The following LDLRAD3 variants were observed in gnomAD, a reference collection of about 807,000 sequenced individuals.
LDLRAD3 encodes the protein low density lipoprotein receptor class A domain containing 3.
LDLRAD3 carries 20 observed loss-of-function variants against 29.4 expected under a neutral mutation model. That is an observed-to-expected ratio of 0.68 (90% CI 0.48 to 0.99). LDLRAD3 has a LOEUF of 0.99. LDLRAD3 is among the 50% of genes least tolerant of loss of function. The pLI is 0.00. For missense variants in LDLRAD3, 420 were observed against 454.3 expected, an observed-to-expected ratio of 0.92 and a Z score of 0.69; for synonymous variants, 157 against 192.7, an observed-to-expected ratio of 0.81 and a Z score of 1.53.
chr11:36,129,551 T>A (rs1181960296), intron 4 of LDLRAD3, among the ~76,000 whole-genome samples: 1 of 152,158 alleles, frequency 6.6e-6, no homozygotes, highest in Admixed American at 6.5e-5. Flanking sequence ...CACTCAGATT[T>A]TATAAATCGT....
At chr11:36,005,236 C>T (rs1851869985) in intron 1 of LDLRAD3, among the ~76,000 whole-genome samples, 1 of 152,208 alleles carries the variant, frequency 6.6e-6, no homozygotes, top group Non-Finnish European at 1.5e-5. Flanking sequence ...TTCAGATAAT[C>T]TCTTTGTTCA....
intron 3 of LDLRAD3, among the ~76,000 whole-genome samples, chr11:36,089,463 C>T (rs1459733200): frequency 6.7e-6 from 1 of 150,142 alleles, no homozygotes; most frequent in Admixed American, 6.6e-5. Flanking sequence ...GAGTCTCGCT[C>T]TGTCTCCAGG....
chr11:36,060,321 T>C (rs1590233133), intron 2 of LDLRAD3, among the ~76,000 whole-genome samples: 1 of 135,682 alleles, frequency 7.4e-6, no homozygotes, highest in South Asian at 2.3e-4. Context: ...GCCACTGCAC[T>C]CCAGCCTGGG....
intron 4 of LDLRAD3, among the ~76,000 whole-genome samples, chr11:36,184,721 C>A (rs553038732): frequency 6.6e-6 from 1 of 152,140 alleles, no homozygotes. Context: ...TAAATCCTTC[C>A]ACATCTCCCT....
At chr11:36,016,803 C>T (rs543070633) in intron 1 of LDLRAD3, among the ~76,000 whole-genome samples, 1 of 152,300 alleles carries the variant, frequency 6.6e-6, no homozygotes, top group Admixed American at 6.5e-5. Context: ...TGTTTTCCAA[C>T]TTGCTCTTTC....
rs1224201151 is a variant in LDLRAD3 at position 36,227,308 on chromosome 11, C to T, written c.678C>T (p.Pro226=). 4 of 1,614,036 alleles carry T rather than the reference C, an allele frequency of 2.5e-6. No individual in the cohort carries two copies. In the African/African-American group the frequency reaches 4.0e-5, roughly 16 times the overall value. ...LLSRLVVLDH[P]HHCNVTYNVN... is the part of the protein sequence containing the mutation. ...CCCGCCTGGTGGTCCTGGACCACCC[C>T]CACCACTGCAACGTCACCTACAACG... Residue 226 remains proline, a synonymous_variant, in exon 5 of 6, where the codon CCC becomes CCT. Transcript: ENST00000315571.
intron 4 of LDLRAD3, chr11:36,197,783 C>T (rs1346401241): frequency 1.3e-5 from 2 of 152,032 alleles, no homozygotes; most frequent in Admixed American, 6.6e-5. Context: ...TATAGTGGCT[C>T]ATGCTTGTAA....
intron 2 of LDLRAD3, among the ~76,000 whole-genome samples, chr11:36,079,160 G>A (rs1853069897): frequency 6.6e-6 from 1 of 152,160 alleles, no homozygotes; most frequent in Admixed American, 6.5e-5. Flanking sequence ...TGATGGCAGC[G>A]GCCACTCTGA....
chr11:36,164,636 G>A (rs1854490020), intron 4 of LDLRAD3, among the ~76,000 whole-genome samples: 1 of 152,236 alleles, frequency 6.6e-6, no homozygotes, highest in Non-Finnish European at 1.5e-5. Flanking sequence ...CTTCCAGTGA[G>A]TGAGCTTTAG....
At chr11:36,041,922 T>C (rs1852387831) in intron 2 of LDLRAD3, among the ~76,000 whole-genome samples, 1 of 152,114 alleles carries the variant, frequency 6.6e-6, no homozygotes, top group South Asian at 2.1e-4. Flanking sequence ...CTTTGTTAAA[T>C]GATAAAATAT....
intron 1 of LDLRAD3, chr11:35,967,787 T>A: frequency 2.2e-6 from 1 of 460,572 alleles, no homozygotes; most frequent in Non-Finnish European, 4.4e-6. Flanking sequence ...ATTAGTAGAC[T>A]TAGTGTTTTC....
chr11:36,102,553 C>G (rs1486607442), intron 4 of LDLRAD3, among the ~76,000 whole-genome samples: 4 of 152,142 alleles, frequency 2.6e-5, no homozygotes, highest in Non-Finnish European at 5.9e-5. Context: ...GCCTTGAAAA[C>G]TAACATACAG....
intron 4 of LDLRAD3, among the ~76,000 whole-genome samples, chr11:36,149,557 G>A (rs993031932): frequency 1.3e-5 from 2 of 152,212 alleles, no homozygotes; most frequent in Non-Finnish European, 1.5e-5. Context: ...GAGAGATGAG[G>A]ATGAGAGGGA....
intron 1 of LDLRAD3, among the ~76,000 whole-genome samples, chr11:35,988,513 A>G (rs1216567361): frequency 6.6e-6 from 1 of 152,136 alleles, no homozygotes; most frequent in African/African-American, 2.4e-5. Flanking sequence ...CTCATTCTAT[A>G]GGTTGTTTAC....
At chr11:35,970,093 G>T (rs942103333) in intron 1 of LDLRAD3, among the ~76,000 whole-genome samples, 2 of 152,138 alleles carry the variant, frequency 1.3e-5, no homozygotes, top group East Asian at 3.9e-4. Flanking sequence ...TGTGTGCTCC[G>T]GGTACTGTCC....
intron 1 of LDLRAD3, among the ~76,000 whole-genome samples, chr11:35,957,513 T>G (rs1157989383): frequency 6.6e-6 from 1 of 152,056 alleles, no homozygotes; most frequent in African/African-American, 2.4e-5. Context: ...AAAAGTAAAA[T>G]GAGCTGGGTG....
chr11:36,180,569 T>C (rs1183373154), intron 4 of LDLRAD3, among the ~76,000 whole-genome samples: 1 of 152,014 alleles, frequency 6.6e-6, no homozygotes, highest in African/African-American at 2.4e-5. Flanking sequence ...TTATGAGGCA[T>C]TGAAGGGACT....
intron 2 of LDLRAD3, among the ~76,000 whole-genome samples, chr11:36,077,143 CCTT>C (rs1279013298): frequency 1.3e-5 from 2 of 152,062 alleles, no homozygotes; most frequent in Non-Finnish European, 2.9e-5. Flanking sequence ...AAATGTGTAA[CCTT>C]CTCATCCTGT....
intron 3 of LDLRAD3, among the ~76,000 whole-genome samples, chr11:36,084,254 A>T (rs1853163262): frequency 6.6e-6 from 1 of 152,212 alleles, no homozygotes; most frequent in South Asian, 2.1e-4. Context: ...TGAGTAAATT[A>T]TACCCATTCC....
Sources: gnomAD v4.1 joint callset for allele counts (sites outside exome capture counted in the v4.1 genomes callset) on GRCh38, gnomAD v4.1.1 for gene constraint, MANE v1.5 for transcripts, NCBI Gene and HGNC (gene_info 2026-07-23, HGNC 2026-07-21) for gene names.